The following CNTN5 variants were observed in gnomAD, a reference collection of about 807,000 sequenced individuals.
CNTN5 encodes the protein contactin 5.
CNTN5 carries 77 observed loss-of-function variants against 129.1 expected under a neutral mutation model. The observed-to-expected ratio is 0.60, with a 90% CI of 0.50 to 0.72. The LOEUF (loss-of-function observed/expected upper bound fraction) is 0.72, where lower values mean the gene tolerates loss of function less well. CNTN5 is among the 30% of genes least tolerant of loss of function. The pLI, the probability that CNTN5 is intolerant of heterozygous loss-of-function variation, is 0.00. For synonymous variants in CNTN5, 509 were observed against 465.6 expected (o/e 1.09, Z -1.20); for missense variants, 1,478 against 1,328.8 (o/e 1.11, Z -1.75).
chr11:99,987,513 A>G (rs1202928459), intron 8 of CNTN5, among the ~76,000 whole-genome samples: 1 of 118,682 alleles, frequency 8.4e-6, no homozygotes, highest in Non-Finnish European at 1.7e-5. Flanking sequence ...TACTTGCATT[A>G]TGTATTTATG....
At chr11:99,849,248 C>A in intron 6 of CNTN5, among the ~76,000 whole-genome samples, 1 of 151,296 alleles carries the variant, frequency 6.6e-6, no homozygotes, top group South Asian at 2.1e-4. Context: ...GATATATCAT[C>A]GAAGTTTTCT....
At position 100,191,245 on chromosome 11, in the gene CNTN5, C is replaced by A; in HGVS notation, c.1700C>A (p.Ser567Tyr). 6.2e-7 allele frequency: 1 copy of A among 1,612,140 alleles called. No homozygotes were observed. Among genetic ancestry groups the A allele is most frequent in the South Asian group, 1.1e-5 (1 of 90,910 alleles). Reference sequence around the variant, plus strand: ...TCTGCTGAAATTATAGCTTCGCTATCTGTAAAAGGTAAGACAGCACGGGTA... The same window carrying A: ...TCTGCTGAAATTATAGCTTCGCTATATGTAAAAGGTAAGACAGCACGGGTA... ...FGSAEIIASLSVKEPTRIELT... is the reference protein window; with the variant it reads ...FGSAEIIASLYVKEPTRIELT... Residue 567 changes from serine (S) to tyrosine (Y), a missense_variant, in exon 14 of 25, where the codon TCT becomes TAT. Physicochemically the swap from Ser to Tyr is moderately radical, Grantham distance 144 (BLOSUM62 -2). Transcript: ENST00000524871.
rs897270834 is a variant in CNTN5 at position 100,291,640 on chromosome 11, T to C, written c.2315-5985T>C. ...GGGGGAGGGATAGCATTGGGAGATA[T>C]ACCTAATGCTAGATGACGAGTTAGT... On this transcript the variant is annotated intron_variant, in intron 18 of 24. Coordinates refer to ENST00000524871, the MANE Select transcript of CNTN5 (RefSeq NM_014361.4). Among the ~76,000 whole-genome samples, 125 of 151,640 alleles carry C rather than the reference T, an allele frequency of 8.2e-4. 1 individual carries two copies. The highest frequency in any genetic ancestry group is 1.5e-3 in the Non-Finnish European group (102 of 67,844).
At chr11:99,300,475 C>T (rs186587014) in intron 1 of CNTN5, among the ~76,000 whole-genome samples, 125 of 152,028 alleles carry the variant, frequency 8.2e-4, no homozygotes, top group African/African-American at 2.5e-3. Context: ...CCCATTTGAT[C>T]ATGGTGTATT....
intron 6 of CNTN5, among the ~76,000 whole-genome samples, chr11:99,909,552 G>A (rs1291341341): frequency 1.3e-5 from 2 of 152,082 alleles, no homozygotes; most frequent in South Asian, 2.1e-4. Context: ...GCAAAGACTT[G>A]GAACCAAGCC....
chr11:99,128,848 C>G (rs1425104285), intron 1 of CNTN5, among the ~76,000 whole-genome samples: 1 of 152,170 alleles, frequency 6.6e-6, no homozygotes, highest in Non-Finnish European at 1.5e-5. Context: ...ACCCCCAGCA[C>G]ACTGCAGCAG....
chr11:99,971,756 A>C (rs1359918315), intron 8 of CNTN5, among the ~76,000 whole-genome samples: 1 of 151,900 alleles, frequency 6.6e-6, no homozygotes, highest in Non-Finnish European at 1.5e-5. Context: ...TGTTATGGCT[A>C]AAGTTTATAA....
chr11:99,178,753 A>T (rs1857904677), intron 1 of CNTN5, among the ~76,000 whole-genome samples: 1 of 152,132 alleles, frequency 6.6e-6, no homozygotes, highest in Non-Finnish European at 1.5e-5. Context: ...TCATCTATAA[A>T]ATGGGTATTA....
chr11:99,669,441 G>GTGT (rs1194211817), intron 3 of CNTN5, among the ~76,000 whole-genome samples: 8 of 105,926 alleles, frequency 7.6e-5, no homozygotes, highest in African/African-American at 2.4e-4. Context: ...TATTAAATAT[G>GTGT]GTGTGTGTGT....
At chr11:99,368,902 T>A (rs1565526721) in intron 2 of CNTN5, among the ~76,000 whole-genome samples, 1 of 151,906 alleles carries the variant, frequency 6.6e-6, no homozygotes, top group Non-Finnish European at 1.5e-5. Flanking sequence ...GGTGAGTTAG[T>A]GCAAAAACAC....
At chr11:99,247,542 T>C (rs1161110409) in intron 1 of CNTN5, among the ~76,000 whole-genome samples, 4 of 152,064 alleles carry the variant, frequency 2.6e-5, no homozygotes, top group Admixed American at 2.0e-4. Context: ...ACATGTGCCA[T>C]GTTGTTGTGT....
chr11:99,255,999 C>A (rs574426230), intron 1 of CNTN5, among the ~76,000 whole-genome samples: 14 of 151,914 alleles, frequency 9.2e-5, no homozygotes, highest in South Asian at 2.1e-4. Context: ...GGAGCAAAAT[C>A]AAAAATGATC....
intron 2 of CNTN5, among the ~76,000 whole-genome samples, chr11:99,358,268 T>TTTTTTTTTTTC (rs1266722158): frequency 8.6e-6 from 1 of 116,030 alleles, no homozygotes; most frequent in Non-Finnish European, 1.9e-5. Flanking sequence ...TTTTTTTTTT[T>TTTTTTTTTTTC]TTTTTTTAGT....
At chr11:99,889,092 C>A (rs1948977583) in intron 6 of CNTN5, among the ~76,000 whole-genome samples, 1 of 152,094 alleles carries the variant, frequency 6.6e-6, no homozygotes, top group Admixed American at 6.5e-5. Flanking sequence ...AGAGAGCAGG[C>A]AAAATGAAAT....
intron 1 of CNTN5, among the ~76,000 whole-genome samples, chr11:99,201,874 C>G (rs575451199): frequency 2.8e-4 from 43 of 152,306 alleles, no homozygotes; most frequent in African/African-American, 1.0e-3. Flanking sequence ...GGATTTTATT[C>G]TAGTGAGACT....
intron 1 of CNTN5, among the ~76,000 whole-genome samples, chr11:99,318,544 ATT>A (rs111266538): frequency 7.7e-4 from 115 of 148,576 alleles, no homozygotes; most frequent in African/African-American, 2.6e-3. Context: ...TTTGAGAATT[ATT>A]TTTTTTTTTT....
intron 18 of CNTN5, among the ~76,000 whole-genome samples, chr11:100,283,558 C>A (rs771752558): frequency 6.6e-6 from 1 of 152,114 alleles, no homozygotes; most frequent in South Asian, 2.1e-4. Flanking sequence ...TATTTAGGGC[C>A]CCAGAGCACT....
chr11:99,945,831 C>T (rs961357238), intron 7 of CNTN5, among the ~76,000 whole-genome samples: 1 of 151,998 alleles, frequency 6.6e-6, no homozygotes, highest in East Asian at 1.9e-4. Flanking sequence ...CCAGAGGTCT[C>T]AGCTGGAATA....
chr11:100,018,789 G>A (rs1940967633), intron 9 of CNTN5, among the ~76,000 whole-genome samples: 1 of 151,888 alleles, frequency 6.6e-6, no homozygotes, highest in Non-Finnish European at 1.5e-5. Context: ...ATTATTATTA[G>A]CAGCAGTGTT....
Sources: gnomAD v4.1 joint callset for allele counts (sites outside exome capture counted in the v4.1 genomes callset) on GRCh38, gnomAD v4.1.1 for gene constraint, MANE v1.5 for transcripts, NCBI Gene and HGNC (gene_info 2026-07-23, HGNC 2026-07-21) for gene names.